The following SPHKAP variants were observed in gnomAD, a reference collection of about 807,000 sequenced individuals.
The protein encoded by SPHKAP is A-kinase anchor protein SPHKAP.
Under a neutral mutation model 137.5 loss-of-function variants are expected in SPHKAP, and 67 were observed. That is an observed-to-expected ratio of 0.49 (90% CI 0.40 to 0.60). The LOEUF is 0.60. Among genes scored for constraint, SPHKAP ranks in the 20% least tolerant of loss-of-function variants. The probability of loss-of-function intolerance (pLI) is 0.00; values close to 1 mark genes in which losing one functional copy is unlikely to be tolerated. For missense variants in SPHKAP, 2,097 were observed against 2,069.3 expected (o/e 1.01, Z -0.26); for synonymous variants, 813 against 785.3 (o/e 1.04, Z -0.59).
chr2:228,004,288 GA>G (rs1694037497), intron 7 of SPHKAP, among the ~76,000 whole-genome samples: 1 of 152,172 alleles, frequency 6.6e-6, no homozygotes, highest in Admixed American at 6.5e-5. Flanking sequence ...GTTTAGTCTT[GA>G]GAGGGTGTAT....
intron 3 of SPHKAP, among the ~76,000 whole-genome samples, chr2:228,063,159 T>TCTAA (rs1696711363): frequency 7.1e-6 from 1 of 141,218 alleles, no homozygotes; most frequent in Admixed American, 7.0e-5. Context: ...TATCTATCTA[T>TCTAA]CTATCTATCT....
chr2:228,171,905 A>C (rs1700596875), intron 1 of SPHKAP, among the ~76,000 whole-genome samples: 1 of 152,156 alleles, frequency 6.6e-6, no homozygotes, highest in Admixed American at 6.5e-5. Flanking sequence ...CAACCCCTGA[A>C]GTCCTAGCAC....
chr2:228,063,740 T>A (rs1490889577), intron 3 of SPHKAP, among the ~76,000 whole-genome samples: 1 of 152,194 alleles, frequency 6.6e-6, no homozygotes, highest in Admixed American at 6.5e-5. Flanking sequence ...GACACTGACT[T>A]ATTCATGCAT....
chr2:228,014,022 T>C (rs780273454), intron 7 of SPHKAP, among the ~76,000 whole-genome samples: 1 of 152,318 alleles, frequency 6.6e-6, no homozygotes, highest in Non-Finnish European at 1.5e-5. Context: ...ACTTTATTCA[T>C]ACATATTTCC....
intron 6 of SPHKAP, 94 bp downstream of exon 6, chr2:228,021,617 C>A: frequency 6.9e-7 from 1 of 1,455,688 alleles, no homozygotes; most frequent in Non-Finnish European, 9.3e-7. Flanking sequence ...GATGTGTCAG[C>A]CAAACTGATG....
chr2:228,075,564 A>G (rs1165598151), intron 3 of SPHKAP, among the ~76,000 whole-genome samples: 1 of 152,112 alleles, frequency 6.6e-6, no homozygotes, highest in East Asian at 1.9e-4. Flanking sequence ...GGCTTATAGG[A>G]CTAAAAATAC....
intron 2 of SPHKAP, chr2:228,109,372 G>T (rs921226541): frequency 2.0e-6 from 2 of 984,482 alleles, no homozygotes; most frequent in Non-Finnish European, 2.4e-6. Context: ...TCACTTCTTT[G>T]GTTCTGCTAA....
chr2:228,153,320 T>G (rs1019788026), intron 1 of SPHKAP, among the ~76,000 whole-genome samples: 1 of 152,214 alleles, frequency 6.6e-6, no homozygotes, highest in African/African-American at 2.4e-5. Flanking sequence ...ATTTAAAACT[T>G]TCTTCATTTT....
At chr2:228,126,275 AC>A (rs1271175748) in intron 2 of SPHKAP, among the ~76,000 whole-genome samples, 8 of 152,160 alleles carry the variant, frequency 5.3e-5, no homozygotes, top group Admixed American at 3.9e-4. Flanking sequence ...ATATGTTAAA[AC>A]TGCCCCTGTG....
rs116062186 is a variant in SPHKAP, at chr2:228,156,346, A to G, written c.33-24261T>C. On this transcript the variant is annotated intron_variant, in intron 1 of 11. Transcript: ENST00000392056. The stretch of plus-strand genomic sequence containing the variant: ...ATTACCAGTGCAGCAATAAATTGTC[A>G]TGGTTATATGTCCCGGGCCTTCTTG... 6.9e-3 allele frequency among the ~76,000 whole-genome samples: 1,049 copies of G among 152,300 alleles called. 16 individuals carry two copies. Among genetic ancestry groups the G allele is most frequent in the African/African-American group, 0.024 (981 of 41,564 alleles).
chr2:228,024,858 T>C (rs573739838), intron 5 of SPHKAP, among the ~76,000 whole-genome samples: 1 of 152,284 alleles, frequency 6.6e-6, no homozygotes, highest in African/African-American at 2.4e-5. Context: ...ATGATAATAG[T>C]AGTATTTTAG....
chr2:228,137,411 G>A (rs1316177307), intron 1 of SPHKAP, among the ~76,000 whole-genome samples: 4 of 152,210 alleles, frequency 2.6e-5, no homozygotes, highest in African/African-American at 9.6e-5. Flanking sequence ...GGTGAGATAA[G>A]CCACATCTGA....
intron 1 of SPHKAP, among the ~76,000 whole-genome samples, chr2:228,138,742 G>A (rs1435271306): frequency 6.6e-6 from 1 of 152,132 alleles, no homozygotes; most frequent in Non-Finnish European, 1.5e-5. Flanking sequence ...AACCATGGCA[G>A]TAATAATGTT....
chr2:228,145,687 A>G (rs1428315926), intron 1 of SPHKAP, among the ~76,000 whole-genome samples: 3 of 152,236 alleles, frequency 2.0e-5, no homozygotes, highest in Non-Finnish European at 4.4e-5. Flanking sequence ...TAGTAAACTT[A>G]AAATAGAAGT....
intron 6 of SPHKAP, among the ~76,000 whole-genome samples, chr2:228,021,065 G>A (rs1559352514): frequency 6.6e-6 from 1 of 152,166 alleles, no homozygotes; most frequent in African/African-American, 2.4e-5. Flanking sequence ...CCCAGGGACA[G>A]TGGCAACAAC....
chr2:227,986,241 T>C (rs1693204537), intron 11 of SPHKAP, among the ~76,000 whole-genome samples: 1 of 152,226 alleles, frequency 6.6e-6, no homozygotes, highest in Non-Finnish European at 1.5e-5. Flanking sequence ...AGTTTTTTTG[T>C]CTTTGTATTT....
intron 7 of SPHKAP, among the ~76,000 whole-genome samples, chr2:228,000,884 A>G (rs376914082): frequency 6.6e-6 from 1 of 152,142 alleles, no homozygotes; most frequent in South Asian, 2.1e-4. Context: ...TAAGTTTTCA[A>G]CGTGTTTGGG....
intron 3 of SPHKAP, 112 bp from the exon 4 acceptor site, chr2:228,027,655 T>C: frequency 9.4e-7 from 1 of 1,067,456 alleles, no homozygotes; most frequent in Non-Finnish European, 1.4e-6. Flanking sequence ...TTCCACATCT[T>C]AGACAGTTTG....
Position 228,016,706 on chromosome 2 carries a change from G to A in SPHKAP, c.4148C>T (p.Pro1383Leu). ...KDSVTECKQP[P>L]VSSLSKTASL... ...AGCAGTTTTGCTCAAAGATGACACTGGGGGCTGTTTACATTCGGTAACAGA... is the reference window on the plus strand; with the variant it reads ...AGCAGTTTTGCTCAAAGATGACACTAGGGGCTGTTTACATTCGGTAACAGA... Residue 1383 changes from proline to leucine, a missense_variant, in exon 7 of 12, where the codon CCA becomes CTA. Transcript: ENST00000392056. 1.2e-6 allele frequency: 2 copies of A among 1,614,086 alleles called. No homozygotes were observed. Among genetic ancestry groups the A allele is most frequent in the Non-Finnish European group, 1.7e-6 (2 of 1,180,014 alleles).
Sources: allele counts gnomAD v4.1 joint callset (sites outside exome capture counted in the v4.1 genomes callset), GRCh38; gene constraint gnomAD v4.1.1; transcripts MANE v1.5; gene names NCBI Gene and HGNC (gene_info 2026-07-23, HGNC 2026-07-21).